Variants in NPHS2 observed in about 807,000 individuals in gnomAD.
The protein encoded by NPHS2 is podocin.
In NPHS2, 36 loss-of-function variants were observed where a neutral mutation model predicts 37.1. The observed-to-expected ratio is 0.97, with a 90% CI of 0.74 to 1.28. The LOEUF is 1.28. Among genes scored for constraint, NPHS2 ranks in the 50% most tolerant of loss-of-function variants. The pLI is 0.00. For synonymous variants in NPHS2, 196 were observed against 189.3 expected (o/e 1.04, Z -0.29); for missense variants, 447 against 488.1 (o/e 0.92, Z 0.79).
At chr1:179,564,216 C>G (rs1177553114) in intron 2 of NPHS2, among the ~76,000 whole-genome samples, 1 of 152,218 alleles carries the variant, frequency 6.6e-6, no homozygotes, top group East Asian at 1.9e-4. Flanking sequence ...TCTTGCTCCT[C>G]TAATTCCATC....
chr1:179,557,951 C>A (rs980279834), intron 4 of NPHS2, among the ~76,000 whole-genome samples: 3 of 152,086 alleles, frequency 2.0e-5, no homozygotes, highest in South Asian at 4.1e-4. Context: ...ATATACCCAT[C>A]TGTAAATATA....
chr1:179,551,434 CG>C lies in NPHS2; in HGVS notation c.890del (p.Ala297GlyfsTer9), dbSNP rs1389953417. The C allele has an allele frequency of 1.2e-6, 2 of 1,613,492 alleles. No individual in the cohort carries two copies. Among genetic ancestry groups the C allele is most frequent in the Non-Finnish European group, 1.7e-6 (2 of 1,180,010 alleles). ...QAKVRMIAAEAEKAASESLRM... is the reference protein window; with the variant it reads ...QAKVRMIAAEXEKAASESLRM... Reference sequence around the variant, plus strand: ...TCAGGGACTCAGAAGCAGCCTTTTCCGCTTCTGCAGCAATCATCTAGAAAAC... The same window carrying C: ...TCAGGGACTCAGAAGCAGCCTTTTCCCTTCTGCAGCAATCATCTAGAAAAC... On this transcript the variant is annotated frameshift_variant, in exon 8 of 8. Coordinates refer to ENST00000367615, the MANE Select transcript of NPHS2 (RefSeq NM_014625.4). LOFTEE classifies it high-confidence loss of function.
rs1410196274 is a variant in NPHS2, at chr1:179,552,583, T to C, written c.873+20A>G. On this transcript the variant is annotated intron_variant, in intron 7 of 7. Coordinates refer to ENST00000367615, the MANE Select transcript of NPHS2 (RefSeq NM_014625.4). ...AGGCCTTCCTAAAGGGCAGTCTGGGTGGGAGGATGGAGTGCTCACCCGCAC... is the reference window on the plus strand; with the variant it reads ...AGGCCTTCCTAAAGGGCAGTCTGGGCGGGAGGATGGAGTGCTCACCCGCAC... The C allele has an allele frequency of 3.1e-6, 5 of 1,606,638 alleles. No homozygotes were observed. Among genetic ancestry groups the C allele is most frequent in the Non-Finnish European group, 4.3e-6 (5 of 1,174,030 alleles).
intron 6 of NPHS2, among the ~76,000 whole-genome samples, chr1:179,552,886 C>A (rs1180227541): frequency 3.9e-5 from 6 of 152,188 alleles, no homozygotes; most frequent in Non-Finnish European, 7.3e-5. Flanking sequence ...TGTATTATTG[C>A]TGATGCTACA....
In NPHS2 at chr1:179,561,618, G is replaced by A. The variant is rs12061866; in HGVS notation, c.379-257C>T. ...AGACTTATGATTATCTAAAATCCAT[G>A]GCCAACTTTCCCTAAATTAATCTTA... On this transcript the variant is annotated intron_variant, in intron 2 of 7. Transcript: ENST00000367615. Among the ~76,000 whole-genome samples the A allele has an allele frequency of 1.0e-3, 152 of 152,194 alleles. 1 individual carries two copies. The highest frequency in any genetic ancestry group is 3.4e-3 in the African/African-American group (140 of 41,546).
chr1:179,554,568 C>T (rs750714076), intron 5 of NPHS2, 37 bp from the exon 6 acceptor site: 2 of 1,614,054 alleles, frequency 1.2e-6, no homozygotes, highest in South Asian at 2.2e-5. Flanking sequence ...GTGGGAGCCT[C>T]CAGGTGGGAG....
intron 2 of NPHS2, among the ~76,000 whole-genome samples, chr1:179,562,659 A>T (rs1674189626): frequency 6.6e-6 from 1 of 152,162 alleles, no homozygotes; most frequent in East Asian, 1.9e-4. Flanking sequence ...TGAGGCTGGG[A>T]ACCATGTTTT....
chr1:179,558,950 C>T (rs930803222), intron 4 of NPHS2, among the ~76,000 whole-genome samples: 6 of 152,058 alleles, frequency 3.9e-5, no homozygotes, highest in African/African-American at 1.4e-4. Flanking sequence ...TCTAGAGAAA[C>T]TATAGAATGT....
chr1:179,552,561 C>T (rs1296842329), intron 7 of NPHS2, 42 bp downstream of exon 7: 3 of 1,507,484 alleles, frequency 2.0e-6, no homozygotes, highest in Admixed American at 1.7e-5. Context: ...CACGAGCAGG[C>T]CTTCCTAAAG....
rs1022832196 is a variant in NPHS2 at position 179,556,753 on chromosome 1, A to G, written c.738+274T>C. Among the ~76,000 whole-genome samples, 2 of 152,108 alleles carry G rather than the reference A, an allele frequency of 1.3e-5. No individual in the cohort carries two copies. Among genetic ancestry groups the G allele is most frequent in the Non-Finnish European group, 2.9e-5 (2 of 68,012 alleles). On this transcript the variant is annotated intron_variant, in intron 5 of 7. Transcript: ENST00000367615. The surrounding 1 kb of genome is among the most constrained non-coding windows in gnomAD (Gnocchi z 4.1). Reference sequence around the variant, plus strand: ...CCGTTCCTGCCAGCAATCATTCTGAATACTTAATACTAGGTGAGTACTTGG... The same window carrying G: ...CCGTTCCTGCCAGCAATCATTCTGAGTACTTAATACTAGGTGAGTACTTGG...
intron 1 of NPHS2, among the ~76,000 whole-genome samples, chr1:179,570,762 T>G (rs1674524309): frequency 1.3e-5 from 2 of 152,252 alleles, no homozygotes; most frequent in Admixed American, 1.3e-4. Flanking sequence ...TGTTCGTTTC[T>G]TTTTACTCTT....
chr1:179,573,029 G>A (rs530002254), intron 1 of NPHS2, among the ~76,000 whole-genome samples: 3 of 151,990 alleles, frequency 2.0e-5, no homozygotes, highest in Admixed American at 6.5e-5. Flanking sequence ...ATGGGGTCTC[G>A]CTATTTTGCC....
chr1:179,557,945 A>G (rs1325462191), intron 4 of NPHS2, among the ~76,000 whole-genome samples: 1 of 152,172 alleles, frequency 6.6e-6, no homozygotes, highest in East Asian at 1.9e-4. Flanking sequence ...ATATATATAT[A>G]CCCATCTGTA....
At chr1:179,557,590 GA>G (rs1476506967) in intron 4 of NPHS2, among the ~76,000 whole-genome samples, 3 of 152,194 alleles carry the variant, frequency 2.0e-5, no homozygotes, top group Admixed American at 2.0e-4. Context: ...TTGCTCGCTA[GA>G]GTGTACGTTA....
At chr1:179,551,777 T>C in intron 7 of NPHS2, 1 of 336,190 alleles carries the variant, frequency 3.0e-6, no homozygotes, top group Non-Finnish European at 5.6e-6. Flanking sequence ...TGCAAAGGCA[T>C]GACGTTATGA....
chr1:179,557,898 A>G (rs571677436), intron 4 of NPHS2, among the ~76,000 whole-genome samples: 7 of 152,322 alleles, frequency 4.6e-5, no homozygotes, highest in African/African-American at 4.8e-5. Context: ...AGAAAGACAC[A>G]TTACAAAACA....
rs1020927481 is a variant in NPHS2 at position 179,554,579 on chromosome 1, G to A, written c.739-48C>T. On this transcript the variant is annotated intron_variant, in intron 5 of 7. Coordinates refer to ENST00000367615, the MANE Select transcript of NPHS2 (RefSeq NM_014625.4). Reference sequence around the variant, plus strand: ...GTCAGTGGGAGCCTCCAGGTGGGAGGAGAGCATGCCTAAACCCTGGTGGCC... The same window carrying A: ...GTCAGTGGGAGCCTCCAGGTGGGAGAAGAGCATGCCTAAACCCTGGTGGCC... 5.6e-6 allele frequency: 9 copies of A among 1,613,454 alleles called. No individual in the cohort carries two copies. The Admixed American group carries it at 8.3e-5, about 15-fold the overall frequency.
rs1483054187 is a variant in NPHS2 at position 179,556,988 on chromosome 1, A to T, written c.738+39T>A. The T allele has an allele frequency of 4.0e-6, 6 of 1,511,642 alleles. No individual in the cohort carries two copies. In the East Asian group the frequency reaches 1.1e-4, roughly 29 times the overall value. The allele number at this position is 1,511,642 out of a possible 1,614,324, so 93.6% of individuals were successfully genotyped here. A position where few individuals can be genotyped will look rare whatever the true frequency, so the allele number is the denominator to read the frequency against. On this transcript the variant is annotated intron_variant, in intron 5 of 7. Transcript: ENST00000367615. This position sits in a 1 kb window ranked among gnomAD's most constrained non-coding sequence, Gnocchi z 4.1. ...CCAATGAACAAATGAATAAAAGATA[A>T]ATATTTCAGCATATTGGCCATTATG...
At position 179,557,276 on chromosome 1, in the gene NPHS2, T is replaced by C. The variant is rs746022583; in HGVS notation, c.535-46A>G. On this transcript the variant is annotated intron_variant, in intron 4 of 7. Transcript: ENST00000367615. Reference sequence around the variant, plus strand: ...ATGACAGGCTTGATTCTTGGGCTCCTTTCCTATGTGGGGTTAGAGGAACTA... The same window carrying C: ...ATGACAGGCTTGATTCTTGGGCTCCCTTCCTATGTGGGGTTAGAGGAACTA... The C allele has an allele frequency of 3.3e-6, 5 of 1,497,952 alleles. No individual in the cohort carries two copies. In the South Asian group the frequency reaches 5.7e-5, roughly 17 times the overall value. The allele number at this position is 1,497,952 out of a possible 1,614,324, so 92.8% of individuals were successfully genotyped here. A position where few individuals can be genotyped will look rare whatever the true frequency, so the allele number is the denominator to read the frequency against.
Sources: allele counts gnomAD v4.1 joint callset (sites outside exome capture counted in the v4.1 genomes callset), GRCh38; gene constraint gnomAD v4.1.1; non-coding constraint Gnocchi (gnomAD v3.1); transcripts MANE v1.5; gene names NCBI Gene and HGNC (gene_info 2026-07-23, HGNC 2026-07-21).